The following PTPRO variants were observed in gnomAD, a reference collection of about 807,000 sequenced individuals.
PTPRO encodes the protein receptor-type tyrosine-protein phosphatase O.
A neutral mutation model predicts 145.2 loss-of-function variants in PTPRO; 62 were observed. The observed-to-expected ratio is 0.43, with a 90% CI of 0.35 to 0.53. PTPRO has a LOEUF of 0.53. PTPRO is among the 20% of genes least tolerant of loss of function. PTPRO has a pLI of 0.01. For missense variants in PTPRO, 1,345 were observed against 1,482.7 expected (o/e 0.91, Z 1.53); for synonymous variants, 565 against 514.7 (o/e 1.10, Z -1.32).
At chr12:15,506,209 C>T (rs907753989) in intron 6 of PTPRO, among the ~76,000 whole-genome samples, 2 of 152,210 alleles carry the variant, frequency 1.3e-5, no homozygotes, top group African/African-American at 4.8e-5. Flanking sequence ...CTCTTCAGAA[C>T]AGTAGTAACA....
intron 1 of PTPRO, among the ~76,000 whole-genome samples, chr12:15,440,777 CAAAG>C (rs1262932427): frequency 6.6e-6 from 1 of 152,068 alleles, no homozygotes; most frequent in Admixed American, 6.5e-5. Context: ...AAAAAAAAGA[CAAAG>C]AAGGCCATTA....
intron 1 of PTPRO, among the ~76,000 whole-genome samples, chr12:15,329,365 T>A (rs1565566768): frequency 6.6e-6 from 1 of 152,252 alleles, no homozygotes; most frequent in Non-Finnish European, 1.5e-5. Flanking sequence ...TCTTCGGTCC[T>A]ATCTGAAGCC....
intron 19 of PTPRO, among the ~76,000 whole-genome samples, chr12:15,570,130 A>G (rs1212717515): frequency 6.6e-6 from 1 of 152,188 alleles, no homozygotes; most frequent in African/African-American, 2.4e-5. Flanking sequence ...GTCAGAAGAG[A>G]TGGAAGTGAG....
At chr12:15,448,362 C>CAAAAAAAAAAAAAAAAAAAAA (rs1555164031) in intron 1 of PTPRO, among the ~76,000 whole-genome samples, 4 of 12,760 alleles carry the variant, frequency 3.1e-4, no homozygotes, top group Non-Finnish European at 1.5e-3. Context: ...AAAAAAAAAG[C>CAAAAAAAAAAAAAAAAAAAAA]ACCGATTGAG....
At chr12:15,530,369 C>T (rs1942936238) in intron 12 of PTPRO, among the ~76,000 whole-genome samples, 1 of 152,128 alleles carries the variant, frequency 6.6e-6, no homozygotes, top group African/African-American at 2.4e-5. Context: ...ACACATGAGA[C>T]CCGATAGGCC....
intron 1 of PTPRO, among the ~76,000 whole-genome samples, chr12:15,395,180 C>T (rs1338205800): frequency 1.3e-5 from 2 of 152,210 alleles, no homozygotes; most frequent in East Asian, 3.9e-4. Flanking sequence ...CATTATTTTC[C>T]TTTGCTAGAG....
intron 1 of PTPRO, among the ~76,000 whole-genome samples, chr12:15,360,868 G>T (rs1938167892): frequency 7.9e-6 from 1 of 126,014 alleles, no homozygotes. Flanking sequence ...GTATATATGT[G>T]TGTATATACA....
chr12:15,587,191 T>C (rs894524446), intron 24 of PTPRO, 140 bp downstream of exon 24: 2 of 904,290 alleles, frequency 2.2e-6, no homozygotes, highest in Non-Finnish European at 3.4e-6. Flanking sequence ...GATTAATTGA[T>C]GTCTCACTAT....
chr12:15,547,329 AG>A (rs1192644647), intron 13 of PTPRO, among the ~76,000 whole-genome samples: 2 of 152,228 alleles, frequency 1.3e-5, no homozygotes, highest in East Asian at 3.8e-4. Flanking sequence ...AATGAATGAA[AG>A]GAAAGAGATG....
rs764636575 is a variant in PTPRO at position 15,549,237 on chromosome 12, A to G, written c.2437+11A>G. On this transcript the variant is annotated intron_variant, in intron 14 of 26. Coordinates refer to ENST00000281171, the MANE Select transcript of PTPRO (RefSeq NM_030667.3). ...CCGTCTCAACAATGGGTAATTATAC[A>G]CATTAGTGTATAATTTTCTCACTTT... The G allele has an allele frequency of 1.9e-6, 3 of 1,578,046 alleles. No individual in the cohort carries two copies. The highest frequency in any genetic ancestry group is 2.6e-6 in the Non-Finnish European group (3 of 1,163,120).
chr12:15,381,336 G>T (rs1938855612), intron 1 of PTPRO, among the ~76,000 whole-genome samples: 1 of 152,108 alleles, frequency 6.6e-6, no homozygotes, highest in African/African-American at 2.4e-5. Flanking sequence ...GCTTAATAAT[G>T]GTTTCTCTCA....
Position 15,360,755 on chromosome 12 carries a change from T to C in PTPRO, c.75+37954T>C, listed in dbSNP as rs551252473. 3.0e-4 allele frequency among the ~76,000 whole-genome samples: 44 copies of C among 147,818 alleles called. No homozygotes were observed. In the East Asian group the frequency reaches 7.8e-3, roughly 26 times the overall value. Reference sequence around the variant, plus strand: ...TTAAAACACACACACTATGTGTGTGTATATGTGTGTATATATACGTGTGTA... The same window carrying C: ...TTAAAACACACACACTATGTGTGTGCATATGTGTGTATATATACGTGTGTA... On this transcript the variant is annotated intron_variant, in intron 1 of 26. Transcript: ENST00000281171.
chr12:15,587,744 T>C (rs1231964555), intron 24 of PTPRO, among the ~76,000 whole-genome samples: 2 of 152,216 alleles, frequency 1.3e-5, no homozygotes, highest in Non-Finnish European at 2.9e-5. Context: ...ACAATATTGC[T>C]GTAAAATCCT....
At chr12:15,574,378 G>T (rs1198548567) in intron 19 of PTPRO, among the ~76,000 whole-genome samples, 1 of 152,210 alleles carries the variant, frequency 6.6e-6, no homozygotes, top group African/African-American at 2.4e-5. Context: ...TAGCTGAAAT[G>T]TGAGAGCCCA....
At position 15,568,463 on chromosome 12, in the gene PTPRO, A is replaced by AC. The variant is rs397796134; in HGVS notation, c.2748-954_2748-953insC. On this transcript the variant is annotated intron_variant, in intron 18 of 26. Coordinates refer to ENST00000281171, the MANE Select transcript of PTPRO (RefSeq NM_030667.3). ...ACAAAACAAAACAAAACAAAACAAA[A>AC]AAGACCACAGTTAGATGATATAAGC... 2.6e-5 allele frequency among the ~76,000 whole-genome samples: 4 copies of AC among 151,790 alleles called. No homozygotes were observed. In the East Asian group the frequency reaches 5.8e-4, roughly 22 times the overall value.
chr12:15,380,120 T>C (rs1938813753), intron 1 of PTPRO, among the ~76,000 whole-genome samples: 1 of 152,180 alleles, frequency 6.6e-6, no homozygotes, highest in African/African-American at 2.4e-5. Flanking sequence ...TTAAACAAGT[T>C]ACTTGAATGT....
intron 19 of PTPRO, among the ~76,000 whole-genome samples, chr12:15,570,322 GT>G (rs111336006): frequency 1.1e-3 from 161 of 146,204 alleles, no homozygotes; most frequent in African/African-American, 2.0e-3. Context: ...AAATTCTGTA[GT>G]TTTTTTTTTT....
chr12:15,395,824 C>CAG (rs1939322705), intron 1 of PTPRO, among the ~76,000 whole-genome samples: 1 of 151,884 alleles, frequency 6.6e-6, no homozygotes, highest in Admixed American at 6.6e-5. Flanking sequence ...CACACACACA[C>CAG]ACACACACAC....
At chr12:15,373,556 A>G (rs1256386491) in intron 1 of PTPRO, among the ~76,000 whole-genome samples, 1 of 152,170 alleles carries the variant, frequency 6.6e-6, no homozygotes, top group East Asian at 1.9e-4. Context: ...TCATCAAGCT[A>G]TTCCAGTTTT....
Sources: allele counts gnomAD v4.1 joint callset (sites outside exome capture counted in the v4.1 genomes callset), GRCh38; gene constraint gnomAD v4.1.1; transcripts MANE v1.5; gene names NCBI Gene and HGNC (gene_info 2026-07-23, HGNC 2026-07-21).